WDR75: variants seen among roughly 807,000 people sequenced by gnomAD.
The protein encoded by WDR75 is WD repeat-containing protein 75.
In WDR75, 52 loss-of-function variants were observed where a neutral mutation model predicts 106.1. That is an observed-to-expected ratio of 0.49 (90% CI 0.39 to 0.62). The LOEUF (loss-of-function observed/expected upper bound fraction) is 0.62. WDR75 is among the 20% of genes least tolerant of loss of function. The pLI is 0.00. For missense variants in WDR75, 905 were observed against 970.3 expected, an observed-to-expected ratio of 0.93 and a Z score of 0.89; for synonymous variants, 333 against 335.5, an observed-to-expected ratio of 0.99 and a Z score of 0.08.
rs563820335 is a variant in WDR75 at position 189,451,005 on chromosome 2, A to T, written c.282+37A>T. On this transcript the variant is annotated intron_variant, in intron 3 of 20. Transcript: ENST00000314761. ...GATCTTTACTTTTCGTTATGTGAATAAAAAAAGGCAATGTAATTTAATGGT... is the reference window on the plus strand; with the variant it reads ...GATCTTTACTTTTCGTTATGTGAATTAAAAAAGGCAATGTAATTTAATGGT... The T allele has an allele frequency of 1.5e-5, 24 of 1,571,924 alleles. No homozygotes were observed. In the African/African-American group the frequency reaches 1.7e-4, roughly 11 times the overall value.
chr2:189,466,614 T>A, intron 13 of WDR75, 32 bp downstream of exon 13: 1 of 1,570,288 alleles, frequency 6.4e-7, no homozygotes, highest in Non-Finnish European at 8.6e-7. Flanking sequence ...GTTTAAAGTG[T>A]GCACAATTTT....
intron 18 of WDR75, among the ~76,000 whole-genome samples, chr2:189,472,431 CTAT>C (rs1440839958): frequency 3.3e-5 from 5 of 152,124 alleles, no homozygotes; most frequent in East Asian, 1.9e-4. Flanking sequence ...TCTAGAACTC[CTAT>C]TATTTAGTGC....
chr2:189,468,646 T>A, intron 15 of WDR75, 77 bp downstream of exon 15: 1 of 1,415,310 alleles, frequency 7.1e-7, no homozygotes, highest in South Asian at 1.2e-5. Context: ...TTTTAGGACT[T>A]AGGGATCATA....
chr2:189,462,691 A>G (rs1686920858), intron 9 of WDR75, 49 bp downstream of exon 9: 1 of 1,561,588 alleles, frequency 6.4e-7, no homozygotes, highest in Non-Finnish European at 8.8e-7. Context: ...ACCATAAATT[A>G]GCTAGCATCT....
intron 6 of WDR75, among the ~76,000 whole-genome samples, chr2:189,458,061 C>T (rs1220845338): frequency 1.3e-5 from 2 of 151,388 alleles, no homozygotes; most frequent in Non-Finnish European, 2.9e-5. Context: ...GTAGCTGGGA[C>T]TATAGGCGTC....
At chr2:189,458,932 A>G (rs1457504781) in intron 7 of WDR75, 60 bp downstream of exon 7, 4 of 1,504,080 alleles carry the variant, frequency 2.7e-6, no homozygotes, top group Non-Finnish European at 3.5e-6. Context: ...TTAGTCCTGT[A>G]GAACAGGGCT....
chr2:189,463,347 T>C (rs1402355550), intron 9 of WDR75, among the ~76,000 whole-genome samples: 1 of 152,178 alleles, frequency 6.6e-6, no homozygotes, highest in African/African-American at 2.4e-5. Context: ...AATGTATTCC[T>C]GATTTTCTAG....
At chr2:189,447,780 A>G (rs140245574) in intron 1 of WDR75, among the ~76,000 whole-genome samples, 1 of 152,222 alleles carries the variant, frequency 6.6e-6, no homozygotes, top group Admixed American at 6.5e-5. Context: ...TGAGTATACA[A>G]TTCTTAAACT....
intron 1 of WDR75, 109 bp from the exon 2 acceptor site, chr2:189,448,270 G>A: frequency 8.0e-7 from 1 of 1,253,774 alleles, no homozygotes. Context: ...TATCACTTGA[G>A]GCCAGGAGTT....
Position 189,441,550 on chromosome 2 carries a change from A to G in WDR75, c.58A>G (p.Arg20Gly), listed in dbSNP as rs1054894343. 1 of 1,562,282 alleles carries G rather than the reference A, an allele frequency of 6.4e-7. No homozygotes were observed. Among genetic ancestry groups the G allele is most frequent in the Non-Finnish European group, 8.7e-7 (1 of 1,152,230 alleles). Residue 20 changes from arginine (R) to glycine (G), a missense_variant, in exon 1 of 21, where the codon AGG becomes GGG. By Grantham distance (125) the Arg-to-Gly change is moderately radical (BLOSUM62 -2). Transcript: ENST00000314761. ...TTGTGGCGGCAGCGAGTTGAACTTTAGGAGAGCTGTGTTCTCTGCAGATTC... is the reference window on the plus strand; with the variant it reads ...TTGTGGCGGCAGCGAGTTGAACTTTGGGAGAGCTGTGTTCTCTGCAGATTC... ...VRCGGSELNFRRAVFSADSKY... is the reference protein window; with the variant it reads ...VRCGGSELNFGRAVFSADSKY...
Position 189,451,878 on chromosome 2 carries a change from T to C in WDR75, c.356T>C (p.Val119Ala). 1 of 1,613,004 alleles carries C rather than the reference T, an allele frequency of 6.2e-7. No homozygotes were observed. The highest frequency in any genetic ancestry group is 1.1e-5 in the South Asian group (1 of 91,052). The change falls in exon 4 of 21, where the codon GTG becomes GCG. Residue 119 changes from valine to alanine, a missense_variant. Physicochemically the swap from Val to Ala is moderately conservative, Grantham distance 64. Transcript: ENST00000314761. ...AQAEDSVFVI[V>A]NKEKPDIFQL... The stretch of plus-strand genomic sequence containing the variant: ...GCTGAGGATTCTGTCTTTGTTATAG[T>C]GAATAAAGAAAAACCAGGTATGGTA...
intron 2 of WDR75, chr2:189,449,602 A>G: frequency 9.6e-7 from 1 of 1,039,464 alleles, no homozygotes; most frequent in Non-Finnish European, 1.2e-6. Flanking sequence ...GTAAAATTAG[A>G]GAAGGGCAGT....
In WDR75 at chr2:189,475,425, A is replaced by C. The variant is rs373681689; in HGVS notation, c.*8A>C. 3.2e-6 allele frequency: 5 copies of C among 1,562,956 alleles called. No individual in the cohort carries two copies. Among genetic ancestry groups the C allele is most frequent in the African/African-American group, 1.4e-5 (1 of 73,004 alleles). ...TGGATAGCTGCCCTTTAAGCCTTGGAGATGGGGAGGATCCTTGGACTTTGT... is the reference window on the plus strand; with the variant it reads ...TGGATAGCTGCCCTTTAAGCCTTGGCGATGGGGAGGATCCTTGGACTTTGT... On this transcript the variant is annotated 3_prime_UTR_variant, in exon 21 of 21. Transcript: ENST00000314761.
At chr2:189,450,621 T>A in intron 2 of WDR75, 1 of 1,212,940 alleles carries the variant, frequency 8.2e-7, no homozygotes, top group Non-Finnish European at 1.0e-6. Flanking sequence ...CTTGGTGCTT[T>A]TCATATCTCA....
At chr2:189,448,183 T>C (rs1686539840) in intron 1 of WDR75, among the ~76,000 whole-genome samples, 196 bp from the exon 2 acceptor site, 1 of 152,168 alleles carries the variant, frequency 6.6e-6, no homozygotes, top group African/African-American at 2.4e-5. Context: ...TGGTAAGGTT[T>C]TGAATGAGAT....
intron 6 of WDR75, among the ~76,000 whole-genome samples, chr2:189,458,473 A>G (rs1686788546): frequency 6.6e-6 from 1 of 152,208 alleles, no homozygotes. Context: ...AAAAATCACT[A>G]AAATCTTTAC....
intron 18 of WDR75, among the ~76,000 whole-genome samples, chr2:189,473,612 G>T (rs141750520): frequency 7.2e-5 from 11 of 152,284 alleles, no homozygotes; most frequent in African/African-American, 2.4e-4. Flanking sequence ...CTCTGCTGGG[G>T]CTGAGGAGGA....
chr2:189,473,466 A>G (rs1404361721), intron 18 of WDR75, among the ~76,000 whole-genome samples: 2 of 152,108 alleles, frequency 1.3e-5, no homozygotes, highest in African/African-American at 4.8e-5. Context: ...AAAAAATTCT[A>G]TGCGTTCCTG....
rs147611906 is a variant in WDR75 at position 189,453,516 on chromosome 2, T to C, written c.373+1621T>C. On this transcript the variant is annotated intron_variant, in intron 4 of 20. Coordinates refer to ENST00000314761, the MANE Select transcript of WDR75 (RefSeq NM_032168.3). ...TAATAAGATTCTGTGTGCTGGGGCC[T>C]AGTTTACTGAAAAATTTCTCAGTTG... Among the ~76,000 whole-genome samples the C allele has an allele frequency of 2.0e-3, 310 of 152,314 alleles. 3 individuals carry two copies. The highest frequency in any genetic ancestry group is 7.2e-3 in the African/African-American group (298 of 41,576).
Sources: gnomAD v4.1 joint callset for allele counts (sites outside exome capture counted in the v4.1 genomes callset) on GRCh38, gnomAD v4.1.1 for gene constraint, MANE v1.5 for transcripts, NCBI Gene and HGNC (gene_info 2026-07-23, HGNC 2026-07-21) for gene names.